Variants in ANTXR2 observed in about 807,000 individuals in gnomAD.
ANTXR2 encodes ANTXR cell adhesion molecule 2.
Under a neutral mutation model 73.7 loss-of-function variants are expected in ANTXR2, and 44 were observed. The observed-to-expected ratio is 0.60, with a 90% CI of 0.47 to 0.77. The LOEUF is 0.77. ANTXR2 is among the 30% of genes least tolerant of loss of function. The pLI is 0.00. For missense variants in ANTXR2, 604 were observed against 592.5 expected, an observed-to-expected ratio of 1.02 and a Z score of -0.20; for synonymous variants, 217 against 205.9, an observed-to-expected ratio of 1.05 and a Z score of -0.46.
At chr4:80,047,929 G>A (rs1303887497) in intron 7 of ANTXR2, among the ~76,000 whole-genome samples, 1 of 151,518 alleles carries the variant, frequency 6.6e-6, no homozygotes, top group African/African-American at 2.4e-5. Context: ...TTCTTGTCAT[G>A]TGAAATCAAA....
At chr4:79,916,303 T>G (rs545326943) in intron 16 of ANTXR2, among the ~76,000 whole-genome samples, 1 of 152,258 alleles carries the variant, frequency 6.6e-6, no homozygotes, top group African/African-American at 2.4e-5. Context: ...TAGATATAGA[T>G]ATCTATAAAA....
chr4:80,029,365 G>A (rs901606976), intron 10 of ANTXR2, among the ~76,000 whole-genome samples: 1 of 151,558 alleles, frequency 6.6e-6, no homozygotes, highest in African/African-American at 2.4e-5. Flanking sequence ...AAATAGTATG[G>A]CCCCCCAAAA....
At chr4:79,980,481 T>A (rs760494044) in intron 14 of ANTXR2, among the ~76,000 whole-genome samples, 1 of 152,184 alleles carries the variant, frequency 6.6e-6, no homozygotes, top group Non-Finnish European at 1.5e-5. Flanking sequence ...CAGGCTTTAT[T>A]ATGGAAAAAA....
At chr4:79,921,549 A>G (rs1727587589) in intron 16 of ANTXR2, among the ~76,000 whole-genome samples, 1 of 152,106 alleles carries the variant, frequency 6.6e-6, no homozygotes, top group African/African-American at 2.4e-5. Context: ...TTTAGCACAA[A>G]TATTATAAAA....
At chr4:80,016,402 A>G (rs1422394030) in intron 11 of ANTXR2, among the ~76,000 whole-genome samples, 1 of 152,080 alleles carries the variant, frequency 6.6e-6, no homozygotes, top group East Asian at 1.9e-4. Flanking sequence ...GTCTCCCTTC[A>G]AGGCCCTGTC....
intron 7 of ANTXR2, among the ~76,000 whole-genome samples, chr4:80,040,558 AAAAGAAAATAGTTTCTACT>A (rs1240903267): frequency 6.6e-6 from 1 of 152,118 alleles, no homozygotes; most frequent in African/African-American, 2.4e-5. Flanking sequence ...TTTCAATAGT[AAAAGAAAATAGTTTCTACT>A]AAATATAGCC....
chr4:80,010,149 A>G (rs533164493), intron 11 of ANTXR2, among the ~76,000 whole-genome samples: 1 of 152,250 alleles, frequency 6.6e-6, no homozygotes, highest in South Asian at 2.1e-4. Flanking sequence ...CAAATACCTA[A>G]GTAGCCTGTT....
At chr4:80,056,651 G>T (rs556801773) in intron 3 of ANTXR2, among the ~76,000 whole-genome samples, 2 of 151,936 alleles carry the variant, frequency 1.3e-5, no homozygotes, top group African/African-American at 4.8e-5. Context: ...ATAGATAGAT[G>T]GATGAATGTA....
chr4:79,974,843 C>T lies in ANTXR2; in HGVS notation c.1428+2778G>A, dbSNP rs574020639. On this transcript the variant is annotated intron_variant, in intron 16 of 16. Transcript: ENST00000403729. ...GGAAAGGGAAGCATTATTCTTCAAACATGAAAAAATAAATAATTTAACCTG... is the reference window on the plus strand; with the variant it reads ...GGAAAGGGAAGCATTATTCTTCAAATATGAAAAAATAAATAATTTAACCTG... 7.6e-4 allele frequency among the ~76,000 whole-genome samples: 115 copies of T among 150,412 alleles called. 1 individual carries two copies. The highest frequency in any genetic ancestry group is 2.7e-3 in the African/African-American group (110 of 41,108).
chr4:80,021,149 CAAAAAAAAAA>C (rs35390197), intron 10 of ANTXR2, among the ~76,000 whole-genome samples: 1 of 60,640 alleles, frequency 1.6e-5, no homozygotes, highest in Non-Finnish European at 2.8e-5. Flanking sequence ...GACTCCATCT[CAAAAAAAAAA>C]AAAAAAAAAA....
At chr4:79,977,161 T>C (rs1240053751) in intron 16 of ANTXR2, among the ~76,000 whole-genome samples, 1 of 152,220 alleles carries the variant, frequency 6.6e-6, no homozygotes, top group Non-Finnish European at 1.5e-5. Flanking sequence ...AAGACACTTT[T>C]ACGTAATAGT....
chr4:80,031,828 A>C, intron 9 of ANTXR2, 136 bp from the exon 10 acceptor site: 1 of 437,400 alleles, frequency 2.3e-6, no homozygotes, highest in Non-Finnish European at 4.0e-6. Flanking sequence ...AAACTAAAGA[A>C]AGAGAAGTGA....
At chr4:80,051,363 T>G (rs192284811) in intron 7 of ANTXR2, among the ~76,000 whole-genome samples, 1 of 151,884 alleles carries the variant, frequency 6.6e-6, no homozygotes, top group African/African-American at 2.4e-5. Flanking sequence ...ATATGTCTTA[T>G]TCAAGTTTAT....
intron 7 of ANTXR2, among the ~76,000 whole-genome samples, chr4:80,047,103 T>C (rs530143540): frequency 3.6e-4 from 55 of 151,908 alleles, no homozygotes; most frequent in African/African-American, 1.3e-3. Flanking sequence ...TAACCAAATG[T>C]CATCAGTTTA....
At chr4:80,028,632 C>A (rs1329378027) in intron 10 of ANTXR2, among the ~76,000 whole-genome samples, 1 of 152,116 alleles carries the variant, frequency 6.6e-6, no homozygotes, top group Non-Finnish European at 1.5e-5. Flanking sequence ...GTCACCCTCA[C>A]ACAGGAAAAA....
At chr4:80,011,270 G>GCCAT (rs1731561023) in intron 11 of ANTXR2, among the ~76,000 whole-genome samples, 1 of 149,142 alleles carries the variant, frequency 6.7e-6, no homozygotes, top group Non-Finnish European at 1.5e-5. Flanking sequence ...ACCTGGTCTT[G>GCCAT]CTATCTATCT....
At chr4:80,008,745 T>C (rs907984518) in intron 11 of ANTXR2, 129 bp from the exon 12 acceptor site, 4 of 506,024 alleles carry the variant, frequency 7.9e-6, no homozygotes, top group Non-Finnish European at 1.0e-5. Flanking sequence ...ATTTTAACTA[T>C]ATTATTTTAA....
In ANTXR2 at chr4:79,907,303, G is replaced by T. The variant is rs1485220028; in HGVS notation, c.*126C>A. ...GCAGAAGGCAGAGAAAACATTTCCCGACTGAGAGGAATTAAGCTGCTCTTC... is the reference window on the plus strand; with the variant it reads ...GCAGAAGGCAGAGAAAACATTTCCCTACTGAGAGGAATTAAGCTGCTCTTC... On this transcript the variant is annotated 3_prime_UTR_variant, in exon 17 of 17. Coordinates refer to ENST00000403729, the MANE Select transcript of ANTXR2 (RefSeq NM_058172.6). 2.9e-6 allele frequency: 3 copies of T among 1,019,110 alleles called. No homozygotes were observed. In the South Asian group the frequency reaches 4.2e-5, roughly 14 times the overall value. The allele number at this position is 1,019,110 out of a possible 1,614,324, so 63.1% of individuals were successfully genotyped here. A position where few individuals can be genotyped will look rare whatever the true frequency, so the allele number is the denominator to read the frequency against.
At chr4:79,998,221 A>AT (rs1730824052) in intron 12 of ANTXR2, among the ~76,000 whole-genome samples, 1 of 152,002 alleles carries the variant, frequency 6.6e-6, no homozygotes, top group Non-Finnish European at 1.5e-5. Flanking sequence ...CTTTAAAAAC[A>AT]TAAAAAAGAC....
Sources: gnomAD v4.1 joint callset for allele counts (sites outside exome capture counted in the v4.1 genomes callset) on GRCh38, gnomAD v4.1.1 for gene constraint, MANE v1.5 for transcripts, NCBI Gene and HGNC (gene_info 2026-07-23, HGNC 2026-07-21) for gene names.